CTNNA3: variants seen among roughly 807,000 people sequenced by gnomAD.
CTNNA3 encodes catenin alpha 3, also known as catenin alpha-3.
A neutral mutation model predicts 95.7 loss-of-function variants in CTNNA3; 76 were observed. The ratio of observed to expected loss-of-function variants is 0.79; its 90% confidence interval spans 0.66 to 0.96. The LOEUF (loss-of-function observed/expected upper bound fraction) is 0.96. Among genes scored for constraint, CTNNA3 ranks in the 40% least tolerant of loss-of-function variants. The pLI, the probability that CTNNA3 is intolerant of heterozygous loss-of-function variation, is 0.00. For missense variants in CTNNA3, 1,191 were observed against 1,089.8 expected (o/e 1.09, Z -1.31); for synonymous variants, 431 against 374.4 (o/e 1.15, Z -1.74).
At chr10:67,423,598 G>T (rs1309770620) in intron 5 of CTNNA3, among the ~76,000 whole-genome samples, 1 of 152,106 alleles carries the variant, frequency 6.6e-6, no homozygotes, top group Non-Finnish European at 1.5e-5. Context: ...AATTCAAAAT[G>T]AGAACTAGAA....
At chr10:67,178,614 A>G (rs1018923297) in intron 7 of CTNNA3, among the ~76,000 whole-genome samples, 2 of 152,144 alleles carry the variant, frequency 1.3e-5, no homozygotes, top group African/African-American at 4.8e-5. Context: ...GTGCACATGT[A>G]TATATATCTG....
At chr10:66,635,009 C>T (rs995214214) in intron 9 of CTNNA3, among the ~76,000 whole-genome samples, 10 of 152,056 alleles carry the variant, frequency 6.6e-5, no homozygotes, top group African/African-American at 2.4e-4. Context: ...AAATATATTT[C>T]CCTTTTAGTT....
intron 14 of CTNNA3, among the ~76,000 whole-genome samples, chr10:66,080,805 C>A (rs1280585538): frequency 3.3e-5 from 5 of 152,236 alleles, no homozygotes; most frequent in Admixed American, 6.5e-5. Flanking sequence ...TGTCATTAGA[C>A]CATCTGTGTT....
chr10:66,004,032 T>C (rs2078829056), intron 15 of CTNNA3, among the ~76,000 whole-genome samples: 1 of 152,136 alleles, frequency 6.6e-6, no homozygotes. Context: ...CAACACTCCT[T>C]AACTTTTCTC....
chr10:66,958,468 T>G, intron 7 of CTNNA3, among the ~76,000 whole-genome samples: 1 of 151,992 alleles, frequency 6.6e-6, no homozygotes, highest in Admixed American at 6.6e-5. Context: ...AGCTTTTTTT[T>G]TTAAAAAAAA....
chr10:66,674,773 G>T (rs180967026), intron 9 of CTNNA3, among the ~76,000 whole-genome samples: 1 of 151,862 alleles, frequency 6.6e-6, no homozygotes, highest in African/African-American at 2.4e-5. Context: ...TGGTTGATAC[G>T]GGCTCCCTCT....
intron 7 of CTNNA3, among the ~76,000 whole-genome samples, chr10:67,157,027 A>G (rs1180735852): frequency 6.6e-6 from 1 of 152,168 alleles, no homozygotes; most frequent in Admixed American, 6.6e-5. Flanking sequence ...TTTTATCACT[A>G]TATAATGTCC....
At chr10:66,033,610 G>GC (rs1213428581) in intron 15 of CTNNA3, among the ~76,000 whole-genome samples, 1 of 151,726 alleles carries the variant, frequency 6.6e-6, no homozygotes, top group African/African-American at 2.4e-5. Flanking sequence ...TGGACTGAAA[G>GC]CCCCCCGAGA....
chr10:66,214,263 G>A (rs920647923), intron 13 of CTNNA3, among the ~76,000 whole-genome samples: 5 of 152,150 alleles, frequency 3.3e-5, no homozygotes, highest in African/African-American at 1.2e-4. Flanking sequence ...TGCTTAAGTT[G>A]TGCTTGCTTT....
At chr10:67,544,964 T>C (rs915793865) in intron 3 of CTNNA3, among the ~76,000 whole-genome samples, 5 of 152,132 alleles carry the variant, frequency 3.3e-5, no homozygotes, top group Admixed American at 1.3e-4. Flanking sequence ...TGGAAGGACA[T>C]GAGCAGCCAG....
intron 1 of CTNNA3, among the ~76,000 whole-genome samples, chr10:67,670,987 GTT>G (rs1287721899): frequency 6.6e-6 from 1 of 151,868 alleles, no homozygotes; most frequent in Non-Finnish European, 1.5e-5. Context: ...TTGTTTGTTT[GTT>G]TGTTTTTTGG....
chr10:66,628,110 T>C (rs554094470), intron 9 of CTNNA3, among the ~76,000 whole-genome samples: 27 of 152,104 alleles, frequency 1.8e-4, no homozygotes, highest in Admixed American at 1.7e-3. Context: ...TGATATATTC[T>C]TTTAAAAATA....
At chr10:66,405,067 C>A (rs2093047129) in intron 11 of CTNNA3, among the ~76,000 whole-genome samples, 1 of 152,148 alleles carries the variant, frequency 6.6e-6, no homozygotes, top group Admixed American at 6.6e-5. Flanking sequence ...AGTTAAGCAA[C>A]TATCTAAAGG....
At chr10:67,554,703 T>G (rs1020910351) in intron 3 of CTNNA3, among the ~76,000 whole-genome samples, 1 of 152,208 alleles carries the variant, frequency 6.6e-6, no homozygotes, top group Non-Finnish European at 1.5e-5. Flanking sequence ...ATTCTATACG[T>G]TGCCTGTTCA....
At chr10:67,126,321 G>A (rs1349944579) in intron 7 of CTNNA3, among the ~76,000 whole-genome samples, 1 of 152,212 alleles carries the variant, frequency 6.6e-6, no homozygotes, top group Non-Finnish European at 1.5e-5. Context: ...GAGGTAAGGA[G>A]TTCAAGACCA....
chr10:66,409,216 A>C (rs1420901765), intron 11 of CTNNA3, among the ~76,000 whole-genome samples: 1 of 152,134 alleles, frequency 6.6e-6, no homozygotes, highest in Non-Finnish European at 1.5e-5. Flanking sequence ...GGGTGGGTTC[A>C]ATGGGAAATT....
At chr10:66,292,294 C>T (rs1442814552) in intron 12 of CTNNA3, among the ~76,000 whole-genome samples, 1 of 152,112 alleles carries the variant, frequency 6.6e-6, no homozygotes, top group Non-Finnish European at 1.5e-5. Context: ...TAATTATGCA[C>T]TGAGTGAATA....
intron 7 of CTNNA3, among the ~76,000 whole-genome samples, chr10:66,914,124 TGC>T (rs1846357266): frequency 8.2e-6 from 1 of 122,664 alleles, no homozygotes; most frequent in Admixed American, 1.1e-4. Context: ...ACTGGCAGGG[TGC>T]CTTCTTTTTT....
At chr10:66,372,816 C>T (rs1190651299) in intron 12 of CTNNA3, among the ~76,000 whole-genome samples, 1 of 152,122 alleles carries the variant, frequency 6.6e-6, no homozygotes, top group Non-Finnish European at 1.5e-5. Flanking sequence ...TGTGAGAACT[C>T]ACTGTCACAA....
Sources: gnomAD v4.1 joint callset for allele counts (sites outside exome capture counted in the v4.1 genomes callset) on GRCh38, gnomAD v4.1.1 for gene constraint, MANE v1.5 for transcripts, NCBI Gene and HGNC (gene_info 2026-07-23, HGNC 2026-07-21) for gene names.